DROSHA: variants seen among roughly 807,000 people sequenced by gnomAD.
DROSHA encodes ribonuclease 3.
In DROSHA, 56 loss-of-function variants were observed where a neutral mutation model predicts 181.9. The observed-to-expected ratio is 0.31, with a 90% confidence interval of 0.25 to 0.38. The LOEUF is 0.38. Ranked by LOEUF, DROSHA falls within the 10% of genes least tolerant of loss-of-function variation. DROSHA has a pLI of 1.00. For missense variants in DROSHA, 1,218 were observed against 1,743.5 expected (o/e 0.70, Z 5.37); for synonymous variants, 524 against 591.2 (o/e 0.89, Z 1.65).
rs1040853014 is a variant in DROSHA at position 31,460,414 on chromosome 5, C to A, written c.2574+3822G>T. ...ATCTCCTAACAATCCTTGGTAGCTT[C>A]TCTGGTTGGGGAAAATGTACTTCCA... is the stretch of plus-strand genomic sequence containing the variant. On this transcript the variant is annotated intron_variant, in intron 20 of 35. Coordinates refer to ENST00000344624, the MANE Select transcript of DROSHA (RefSeq NM_001382508.1). Among the ~76,000 whole-genome samples, 4 of 152,178 alleles carry A rather than the reference C, an allele frequency of 2.6e-5. No individual in the cohort carries two copies. The East Asian group carries it at 5.8e-4, about 22-fold the overall frequency.
chr5:31,444,716 A>G (rs116641879), intron 23 of DROSHA, among the ~76,000 whole-genome samples: 2,325 of 152,270 alleles, frequency 0.015, 48 homozygotes, highest in African/African-American at 0.053. Context: ...AGCAGGGTAA[A>G]ATAAAACCAT....
At chr5:31,510,426 G>A (rs935645614) in intron 9 of DROSHA, among the ~76,000 whole-genome samples, 1 of 152,188 alleles carries the variant, frequency 6.6e-6, no homozygotes, top group African/African-American at 2.4e-5. Context: ...GCAGATAAGA[G>A]CTAGAGAGAA....
At position 31,401,519 on chromosome 5, in the gene DROSHA, C is replaced by T; in HGVS notation, c.4038G>A (p.Arg1346=). 6.2e-7 allele frequency: 1 copy of T among 1,607,388 alleles called. No homozygotes were observed. Residue 1346 remains arginine, a synonymous_variant, in exon 36 of 36, where the codon CGG becomes CGA. Coordinates refer to ENST00000344624, the MANE Select transcript of DROSHA (RefSeq NM_001382508.1). ...QMAHQKRFIE[R]KYRQELKEMR... is the part of the protein sequence containing the mutation. ...TTTCTTTTAACTCTTGTCTGTACTT[C>T]CGTTCGATGAACCGCTTCTGATGGG... is the stretch of plus-strand genomic sequence containing the variant.
chr5:31,515,760 TTA>T (rs1410817492), intron 6 of DROSHA, among the ~76,000 whole-genome samples, 196 bp from the exon 7 acceptor site: 2 of 152,216 alleles, frequency 1.3e-5, no homozygotes, highest in African/African-American at 4.8e-5. Flanking sequence ...AGTGAACCAC[TTA>T]TGTCATCCCT....
intron 20 of DROSHA, among the ~76,000 whole-genome samples, chr5:31,454,722 C>T (rs1434231068): frequency 4.0e-5 from 6 of 151,878 alleles, no homozygotes; most frequent in South Asian, 2.1e-4. Context: ...AGTTGGATCA[C>T]GAGGTCAGGA....
intron 30 of DROSHA, among the ~76,000 whole-genome samples, chr5:31,413,301 A>C (rs560670586): frequency 1.3e-5 from 2 of 152,354 alleles, no homozygotes; most frequent in South Asian, 2.1e-4. Context: ...TGAACCAAAA[A>C]TCAGTGGGGG....
At chr5:31,442,653 C>G (rs1217197998) in intron 23 of DROSHA, among the ~76,000 whole-genome samples, 2 of 152,094 alleles carry the variant, frequency 1.3e-5, no homozygotes, top group Non-Finnish European at 1.5e-5. Flanking sequence ...CCAAGGAAAG[C>G]CATCTTGGGA....
intron 8 of DROSHA, among the ~76,000 whole-genome samples, chr5:31,511,706 A>G (rs1384398812): frequency 3.3e-5 from 5 of 151,766 alleles, no homozygotes; most frequent in African/African-American, 1.2e-4. Flanking sequence ...TCTAAAAAAA[A>G]AAAAACAGAA....
At chr5:31,413,187 G>T (rs1392131880) in intron 30 of DROSHA, among the ~76,000 whole-genome samples, 3 of 152,178 alleles carry the variant, frequency 2.0e-5, no homozygotes, top group African/African-American at 7.2e-5. Flanking sequence ...GATGGAATCA[G>T]AAGTGCTTCC....
At position 31,526,680 on chromosome 5, in the gene DROSHA, T is replaced by C. The variant is rs1275479127; in HGVS notation, c.253A>G (p.Met85Val). The change falls in exon 5 of 36, where the codon ATG becomes GTG. Residue 85 changes from methionine to valine, a missense_variant. Physicochemically the swap from Met to Val is conservative, Grantham distance 21. Coordinates refer to ENST00000344624, the MANE Select transcript of DROSHA (RefSeq NM_001382508.1). ...AGAGGGCCTTGCGCTGACGGAGGCATGGGTGGGGGGAAGGGTACAAAGTCT... is the reference window on the plus strand; with the variant it reads ...AGAGGGCCTTGCGCTGACGGAGGCACGGGTGGGGGGAAGGGTACAAAGTCT... ...RPDFVPFPPP[M>V]PPSAQGPLPP... is the part of the protein sequence containing the mutation. 1.8e-6 allele frequency: 2 copies of C among 1,082,338 alleles called. No individual in the cohort carries two copies. Among genetic ancestry groups the C allele is most frequent in the African/African-American group, 3.3e-5 (1 of 30,692 alleles). 67.0% of individuals were successfully genotyped at this position (1,082,338 alleles called of 1,614,324 possible).
chr5:31,467,786 A>G (rs1749256994), intron 18 of DROSHA, 153 bp downstream of exon 18: 2 of 972,726 alleles, frequency 2.1e-6, no homozygotes, highest in Non-Finnish European at 1.5e-6. Context: ...GAGCTACCAC[A>G]ATTGTTTCAT....
chr5:31,508,527 T>G, intron 10 of DROSHA, 94 bp downstream of exon 10: 1 of 1,559,582 alleles, frequency 6.4e-7, no homozygotes, highest in African/African-American at 1.4e-5. Flanking sequence ...AAAATTCAGT[T>G]TCAATACTAG....
rs75248183 is a variant in DROSHA, at chr5:31,481,630, A to G, written c.2071+1924T>C. 6.7e-3 allele frequency among the ~76,000 whole-genome samples: 1,028 copies of G among 152,356 alleles called. 13 individuals are homozygous for G. Among genetic ancestry groups the G allele is most frequent in the African/African-American group, 0.024 (980 of 41,578 alleles). ...ATATAAAAAGGAGAAAAGCCTTTGA[A>G]TGCATTTCTAAACAAAATAAACATG... On this transcript the variant is annotated intron_variant, in intron 16 of 35. Transcript: ENST00000344624.
intron 16 of DROSHA, among the ~76,000 whole-genome samples, chr5:31,473,837 A>G (rs1052192311): frequency 6.6e-6 from 1 of 152,234 alleles, no homozygotes; most frequent in African/African-American, 2.4e-5. Context: ...CAAAGAGGCC[A>G]CTGTGGATGG....
intron 13 of DROSHA, among the ~76,000 whole-genome samples, chr5:31,489,853 A>G (rs1752180459): frequency 6.6e-6 from 1 of 151,844 alleles, no homozygotes; most frequent in African/African-American, 2.4e-5. Flanking sequence ...AATACGGTGT[A>G]ACTCATACAT....
intron 11 of DROSHA, among the ~76,000 whole-genome samples, chr5:31,502,966 G>A (rs1023561546): frequency 1.3e-5 from 2 of 152,132 alleles, no homozygotes; most frequent in South Asian, 2.1e-4. Context: ...CTGGTCAGGG[G>A]CCTAGAAGAA....
At chr5:31,418,196 C>T (rs543612487) in intron 30 of DROSHA, among the ~76,000 whole-genome samples, 156 of 152,104 alleles carry the variant, frequency 1.0e-3, no homozygotes, top group African/African-American at 3.6e-3. Flanking sequence ...CTATCAATCA[C>T]ACTGTAACTC....
At chr5:31,429,637 A>T (rs1319941373) in intron 26 of DROSHA, 92 bp from the exon 27 acceptor site, 2 of 966,668 alleles carry the variant, frequency 2.1e-6, no homozygotes, top group Non-Finnish European at 3.1e-6. Flanking sequence ...ACGCAAGCCA[A>T]AAACTACTCA....
chr5:31,405,690 A>G lies in DROSHA; in HGVS notation c.3981T>C (p.Asp1327=). The G allele has an allele frequency of 1.3e-6, 2 of 1,563,902 alleles. No individual in the cohort carries two copies. Among genetic ancestry groups the G allele is most frequent in the Non-Finnish European group, 1.7e-6 (2 of 1,155,602 alleles). Residue 1327 remains aspartate (D), a synonymous_variant, in exon 35 of 36, where the codon GAT becomes GAC. Transcript: ENST00000344624. ...IQQAEMGAAM[D]ALEKYNFPQM... Reference sequence around the variant, plus strand: ...AAACAGGCTTACATTTTTCAAGCGCATCCATTGCTGCTCCCATTTCCGCTT... The same window carrying G: ...AAACAGGCTTACATTTTTCAAGCGCGTCCATTGCTGCTCCCATTTCCGCTT...
Sources: gnomAD v4.1 joint callset for allele counts (sites outside exome capture counted in the v4.1 genomes callset) on GRCh38, gnomAD v4.1.1 for gene constraint, MANE v1.5 for transcripts, NCBI Gene and HGNC (gene_info 2026-07-23, HGNC 2026-07-21) for gene names.